The following MEP1B variants were observed in gnomAD, a reference collection of about 807,000 sequenced individuals.
MEP1B encodes N-benzoyl-L-tyrosyl-P-amino-benzoic acid hydrolase subunit beta.
MEP1B carries 80 observed loss-of-function variants against 84.6 expected under a neutral mutation model. The ratio of observed to expected loss-of-function variants is 0.95; its 90% confidence interval spans 0.79 to 1.14. The LOEUF is 1.14. Ranked by LOEUF, MEP1B falls within the 50% of genes most tolerant of loss-of-function variation. The probability of loss-of-function intolerance (pLI) is 0.00; values close to 1 mark genes in which losing one functional copy is unlikely to be tolerated. For synonymous variants in MEP1B, 273 were observed against 288.1 expected (o/e 0.95, Z 0.53); for missense variants, 766 against 855.1 (o/e 0.90, Z 1.30).
chr18:32,199,655 TTTCC>T (rs1406278997), intron 5 of MEP1B, among the ~76,000 whole-genome samples: 5 of 134,560 alleles, frequency 3.7e-5, no homozygotes, highest in African/African-American at 1.4e-4. Flanking sequence ...TCTTCCTTTT[TTTCC>T]TTTCGTTCGT....
At chr18:32,198,630 T>C (rs1019526101) in intron 5 of MEP1B, among the ~76,000 whole-genome samples, 6 of 152,076 alleles carry the variant, frequency 3.9e-5, no homozygotes, top group African/African-American at 1.2e-4. Flanking sequence ...GAATTTAGAT[T>C]GAGAGTGGGG....
At chr18:32,208,639 G>A (rs994244603) in intron 9 of MEP1B, among the ~76,000 whole-genome samples, 4 of 152,284 alleles carry the variant, frequency 2.6e-5, no homozygotes, top group Admixed American at 6.5e-5. Context: ...ACTAGGCTGC[G>A]AATTATTGTT....
chr18:32,199,922 G>A lies in MEP1B; in HGVS notation c.251-2971G>A, dbSNP rs143620935. Among the ~76,000 whole-genome samples the A allele has an allele frequency of 6.9e-3, 1,053 of 152,206 alleles. 21 individuals carry two copies. The highest frequency in any genetic ancestry group is 0.022 in the African/African-American group (930 of 41,530). On this transcript the variant is annotated intron_variant, in intron 5 of 14. Transcript: ENST00000269202. ...CTCCCGAAGTGTTGGGATTACAGGC[G>A]TGAGCCACCACATCCAGTTATATTT...
chr18:32,206,792 A>G (rs947392807), intron 7 of MEP1B, among the ~76,000 whole-genome samples: 3 of 151,954 alleles, frequency 2.0e-5, no homozygotes, highest in Non-Finnish European at 4.4e-5. Flanking sequence ...TTGTATTTTT[A>G]GTAGAGACAG....
At chr18:32,205,992 T>C (rs1363919206) in intron 7 of MEP1B, among the ~76,000 whole-genome samples, 1 of 152,166 alleles carries the variant, frequency 6.6e-6, no homozygotes, top group Non-Finnish European at 1.5e-5. Context: ...TATTTATTTA[T>C]TTATTTTGAG....
At chr18:32,218,615 A>G (rs1262771332) in intron 14 of MEP1B, among the ~76,000 whole-genome samples, 1 of 152,150 alleles carries the variant, frequency 6.6e-6, no homozygotes, top group Non-Finnish European at 1.5e-5. Flanking sequence ...GAACACGTAT[A>G]ATAGGCTGAG....
Position 32,207,320 on chromosome 18 carries a change from A to T in MEP1B, c.616A>T (p.Thr206Ser). ...TTCCCTGAATGTTCCCTATGATTAC[A>T]CTTCAGTAATGCACTACAGTAAAAC... The part of the protein sequence containing the change: ...SDSLNVPYDY[T>S]SVMHYSKTAF... The change falls in exon 8 of 15, where the codon ACT (threonine) becomes TCT (serine). Residue 206 changes from threonine (T) to serine (S), a missense_variant. Coordinates refer to ENST00000269202, the MANE Select transcript of MEP1B (RefSeq NM_005925.3). The T allele has an allele frequency of 1.9e-6, 3 of 1,613,108 alleles. No homozygotes were observed. The highest frequency in any genetic ancestry group is 1.7e-6 in the Non-Finnish European group (2 of 1,179,272).
At position 32,202,505 on chromosome 18, in the gene MEP1B, C is replaced by T. The variant is rs569199719; in HGVS notation, c.251-388C>T. Among the ~76,000 whole-genome samples, 3 of 152,272 alleles carry T rather than the reference C, an allele frequency of 2.0e-5. No individual in the cohort carries two copies. In the South Asian group the frequency reaches 6.2e-4, roughly 32 times the overall value. On this transcript the variant is annotated intron_variant, in intron 5 of 14. Transcript: ENST00000269202. The stretch of plus-strand genomic sequence containing the variant: ...TCATAGACTCTCCCATCTGAAGATC[C>T]TCAGATTAAAAGCCCAGCTGTGTGG...
At position 32,207,394 on chromosome 18, in the gene MEP1B, C is replaced by T; in HGVS notation, c.690C>T (p.Asp230=). The T allele has an allele frequency of 1.2e-6, 2 of 1,613,454 alleles. No homozygotes were observed. Among genetic ancestry groups the T allele is most frequent in the Non-Finnish European group, 1.7e-6 (2 of 1,179,684 alleles). The change falls in exon 8 of 15, where the codon GAC becomes GAT. Residue 230 remains aspartate, a synonymous_variant. Coordinates refer to ENST00000269202, the MANE Select transcript of MEP1B (RefSeq NM_005925.3). ...CGACAATTGTCACAAGAATCTCAGACTTTGAGGATGTGATCGGCCAACGAA... is the reference window on the plus strand; with the variant it reads ...CGACAATTGTCACAAGAATCTCAGATTTTGAGGATGTGATCGGCCAACGAA... The part of the protein sequence containing the change: ...TEPTIVTRIS[D]FEDVIGQRMD...
chr18:32,208,061 T>G, intron 8 of MEP1B, 58 bp from the exon 9 acceptor site: 1 of 1,571,678 alleles, frequency 6.4e-7, no homozygotes, highest in Non-Finnish European at 8.7e-7. Context: ...AGTTCAGTTT[T>G]TGTTACTTAG....
At chr18:32,206,588 C>A (rs2144407030) in intron 7 of MEP1B, among the ~76,000 whole-genome samples, 1 of 151,872 alleles carries the variant, frequency 6.6e-6, no homozygotes, top group South Asian at 2.1e-4. Context: ...CACCACCATG[C>A]CTGGCTAATT....
At position 32,213,257 on chromosome 18, in the gene MEP1B, G is replaced by A. The variant is rs750188910; in HGVS notation, c.1277G>A (p.Arg426Gln). 6.2e-6 allele frequency: 10 copies of A among 1,613,902 alleles called. No homozygotes were observed. Among genetic ancestry groups the A allele is most frequent in the Admixed American group, 3.3e-5 (2 of 60,016 alleles). Residue 426 changes from arginine to glutamine, a missense_variant, in exon 11 of 15, where the codon CGG becomes CAG. By Grantham distance (43) the Arg-to-Gln change is conservative (BLOSUM62 1). Coordinates refer to ENST00000269202, the MANE Select transcript of MEP1B (RefSeq NM_005925.3). ...SIDDINLSETRCPHHIWHIRN... is the reference protein window; with the variant it reads ...SIDDINLSETQCPHHIWHIRN... Reference sequence around the variant, plus strand: ...GATGACATCAATCTTTCGGAAACACGGTGCCCTCATCATATCTGGCATATA... The same window carrying A: ...GATGACATCAATCTTTCGGAAACACAGTGCCCTCATCATATCTGGCATATA...
At chr18:32,192,712 A>G in intron 3 of MEP1B, 22 bp downstream of exon 3, 1 of 1,612,344 alleles carries the variant, frequency 6.2e-7, no homozygotes, top group Non-Finnish European at 8.5e-7. Context: ...TTTTTTACAT[A>G]ATCTCTTAAG....
Position 32,217,012 on chromosome 18 carries a change from C to G in MEP1B, c.1781C>G (p.Thr594Arg). The change falls in exon 13 of 15, where the codon ACA becomes AGA. Residue 594 changes from threonine to arginine, a missense_variant. Coordinates refer to ENST00000269202, the MANE Select transcript of MEP1B (RefSeq NM_005925.3). Reference sequence around the variant, plus strand: ...CTAGACATATCTCACCTCAACTCTACACAAATCCAGCTAACACCAGCCCCT... The same window carrying G: ...CTAGACATATCTCACCTCAACTCTAGACAAATCCAGCTAACACCAGCCCCT... ...TVEDISHLNSTQIQLTPAPSV... is the reference protein window; with the variant it reads ...TVEDISHLNSRQIQLTPAPSV... 6.2e-7 allele frequency: 1 copy of G among 1,613,970 alleles called. No homozygotes were observed.
chr18:32,203,929 C>T (rs568347611), intron 6 of MEP1B, among the ~76,000 whole-genome samples: 1 of 152,230 alleles, frequency 6.6e-6, no homozygotes, highest in South Asian at 2.1e-4. Flanking sequence ...ATGTGTGGTT[C>T]GTCCCATGAC....
At position 32,204,272 on chromosome 18, in the gene MEP1B, G is replaced by A. The variant is rs749638282; in HGVS notation, c.459G>A (p.Glu153=). ...NCDRIATVQH[E]FLHALGFWHE... ...ACCGAATAGCAACAGTTCAACACGA[G>A]TTCCTCCACGCTCTGGGATTCTGGC... The change falls in exon 7 of 15, where the codon GAG becomes GAA. Residue 153 remains glutamate, a synonymous_variant. Transcript: ENST00000269202. The A allele has an allele frequency of 2.3e-5, 37 of 1,603,720 alleles. No individual in the cohort carries two copies. In the East Asian group the frequency reaches 6.5e-4, roughly 28 times the overall value.
intron 6 of MEP1B, among the ~76,000 whole-genome samples, chr18:32,203,858 TACACAC>T (rs1477044458): frequency 1.9e-4 from 29 of 151,826 alleles, no homozygotes; most frequent in African/African-American, 5.6e-4. Context: ...GGGGAGGTGC[TACACAC>T]TTTTAAATGA....
chr18:32,204,926 T>C (rs1470770900), intron 7 of MEP1B, among the ~76,000 whole-genome samples: 1 of 152,152 alleles, frequency 6.6e-6, no homozygotes, highest in Admixed American at 6.5e-5. Context: ...ATGGGATTAA[T>C]CCATTTATGA....
intron 12 of MEP1B, 86 bp downstream of exon 12, chr18:32,215,347 CT>C: frequency 1.2e-6 from 1 of 842,418 alleles, no homozygotes; most frequent in Non-Finnish European, 1.8e-6. Flanking sequence ...CTGCATTCCA[CT>C]TTTAGATGTA....
Sources: gnomAD v4.1 joint callset for allele counts (sites outside exome capture counted in the v4.1 genomes callset) on GRCh38, gnomAD v4.1.1 for gene constraint, MANE v1.5 for transcripts, NCBI Gene and HGNC (gene_info 2026-07-23, HGNC 2026-07-21) for gene names.